Variants in RPH3AL observed in about 807,000 individuals in gnomAD.
The protein encoded by RPH3AL is rabphilin 3A like (without C2 domains).
RPH3AL carries 38 observed loss-of-function variants against 43.1 expected under a neutral mutation model. The observed-to-expected ratio is 0.88, with a 90% CI of 0.68 to 1.15. RPH3AL has a LOEUF of 1.15. Ranked by LOEUF, RPH3AL falls within the 50% of genes most tolerant of loss-of-function variation. RPH3AL has a pLI of 0.00. For missense variants in RPH3AL, 462 were observed against 423.2 expected, an observed-to-expected ratio of 1.09 and a Z score of -0.81; for synonymous variants, 189 against 176.3, an observed-to-expected ratio of 1.07 and a Z score of -0.57.
chr17:242,791 A>T (rs78568707), intron 7 of RPH3AL, among the ~76,000 whole-genome samples: 4,435 of 24,680 alleles, frequency 0.18, 724 homozygotes, highest in South Asian at 0.29. Context: ...CCTTCCTCTA[A>T]TGACTACCTT....
At chr17:271,688 T>G (rs1246083473) in intron 6 of RPH3AL, among the ~76,000 whole-genome samples, 2 of 152,246 alleles carry the variant, frequency 1.3e-5, no homozygotes, top group Non-Finnish European at 2.9e-5. Flanking sequence ...CAGGGTTTTC[T>G]AGATATACAA....
chr17:229,842 G>A (rs1028010129), intron 7 of RPH3AL, among the ~76,000 whole-genome samples: 2 of 152,220 alleles, frequency 1.3e-5, no homozygotes, highest in African/African-American at 4.8e-5. Flanking sequence ...GGGAGAAAGG[G>A]GGCTCTGAGG....
At chr17:311,305 C>T (rs766074054) in intron 5 of RPH3AL, among the ~76,000 whole-genome samples, 34 of 152,356 alleles carry the variant, frequency 2.2e-4, no homozygotes, top group African/African-American at 4.8e-4. Context: ...CTTCAGCACA[C>T]GCCTCTGTGC....
chr17:309,631 C>T (rs1230337591), intron 5 of RPH3AL, among the ~76,000 whole-genome samples: 21 of 127,970 alleles, frequency 1.6e-4, no homozygotes, highest in African/African-American at 4.8e-4. Flanking sequence ...GCACATCCCC[C>T]GTCCAGGGCT....
intron 5 of RPH3AL, among the ~76,000 whole-genome samples, chr17:297,075 A>T (rs2043201598): frequency 6.6e-6 from 1 of 152,096 alleles, no homozygotes; most frequent in Non-Finnish European, 1.5e-5. Context: ...CTGGAACACA[A>T]CCCTCTCCAA....
intron 5 of RPH3AL, among the ~76,000 whole-genome samples, chr17:282,347 G>A (rs564864977): frequency 1.7e-4 from 26 of 152,362 alleles, no homozygotes; most frequent in African/African-American, 4.6e-4. Context: ...TGGTAACAAC[G>A]TGACAGTTAC....
chr17:332,504 T>C (rs911261756), intron 2 of RPH3AL: 2 of 168,758 alleles, frequency 1.2e-5, no homozygotes, highest in African/African-American at 4.8e-5. Context: ...CCCTTCCTGA[T>C]GCCCACACAG....
intron 7 of RPH3AL, among the ~76,000 whole-genome samples, chr17:239,001 G>A (rs2041466237): frequency 6.6e-6 from 1 of 152,194 alleles, no homozygotes; most frequent in Non-Finnish European, 1.5e-5. Context: ...TCAGGTGGAG[G>A]GGGAGAGACA....
chr17:304,630 G>A (rs955402187), intron 5 of RPH3AL, among the ~76,000 whole-genome samples: 14 of 152,034 alleles, frequency 9.2e-5, no homozygotes, highest in Admixed American at 5.2e-4. Context: ...GATTCCACCC[G>A]GCCAGGGCAG....
intron 6 of RPH3AL, among the ~76,000 whole-genome samples, chr17:263,229 G>T (rs1555546904): frequency 6.6e-6 from 1 of 152,148 alleles, no homozygotes; most frequent in East Asian, 1.9e-4. Flanking sequence ...GGGAGTCAAG[G>T]GTACCAAAGC....
At chr17:273,868 C>G (rs1229678732) in intron 6 of RPH3AL, among the ~76,000 whole-genome samples, 11 of 152,194 alleles carry the variant, frequency 7.2e-5, no homozygotes, top group Admixed American at 2.6e-4. Context: ...CGCTAATTGT[C>G]TTAACCAGCT....
At chr17:336,959 C>T (rs1156420926) in intron 1 of RPH3AL, among the ~76,000 whole-genome samples, 1 of 152,160 alleles carries the variant, frequency 6.6e-6, no homozygotes, top group Admixed American at 6.5e-5. Flanking sequence ...GGCTTGAGCC[C>T]ACCGCCCTCC....
chr17:314,688 C>T (rs1364906172), intron 5 of RPH3AL, among the ~76,000 whole-genome samples: 1 of 62,338 alleles, frequency 1.6e-5, no homozygotes, highest in African/African-American at 4.2e-5. Context: ...GTGACTCCAC[C>T]TCCATTGACC....
rs574100658 is a variant in RPH3AL, at chr17:263,823, G to A, written c.439-16538C>T. Among the ~76,000 whole-genome samples, 375 of 152,258 alleles carry A rather than the reference G, an allele frequency of 2.5e-3. 1 individual carries two copies. The highest frequency in any genetic ancestry group is 8.2e-3 in the African/African-American group (341 of 41,538). Reference sequence around the variant, plus strand: ...GAGTTGGTAACACACCGACACTCCCGTCCCTGAAGAAGGCCAAGTTCCTTC... The same window carrying A: ...GAGTTGGTAACACACCGACACTCCCATCCCTGAAGAAGGCCAAGTTCCTTC... On this transcript the variant is annotated intron_variant, in intron 6 of 9. Transcript: ENST00000331302.
intron 6 of RPH3AL, among the ~76,000 whole-genome samples, chr17:271,728 A>T (rs915682550): frequency 1.3e-5 from 2 of 152,164 alleles, no homozygotes; most frequent in Non-Finnish European, 2.9e-5. Context: ...GGACAATTTG[A>T]CTTCCTCTTT....
intron 6 of RPH3AL, among the ~76,000 whole-genome samples, chr17:252,375 A>G (rs1477614075): frequency 6.6e-6 from 1 of 152,206 alleles, no homozygotes; most frequent in African/African-American, 2.4e-5. Context: ...ATCACTGCAC[A>G]GAGACGCCCT....
intron 6 of RPH3AL, among the ~76,000 whole-genome samples, chr17:258,376 G>GGGGAA (rs1461712036): frequency 3.3e-5 from 5 of 152,222 alleles, no homozygotes; most frequent in Admixed American, 1.3e-4. Flanking sequence ...CCTACAGTCT[G>GGGGAA]CCACCTTCCC....
In RPH3AL at chr17:320,358, G is replaced by A. The variant is rs149640586; in HGVS notation, c.222-809C>T. Among the ~76,000 whole-genome samples, 51 of 152,196 alleles carry A rather than the reference G, an allele frequency of 3.4e-4. No individual in the cohort carries two copies. The East Asian group carries it at 7.7e-3, about 23-fold the overall frequency. ...TCTTTCCCACTGTAAAGATAAGGCC[G>A]GGCAGGGTGGCTCATGCCTGACATC... is the stretch of plus-strand genomic sequence containing the variant. On this transcript the variant is annotated intron_variant, in intron 4 of 9. Transcript: ENST00000331302.
chr17:213,528 T>G lies in RPH3AL; in HGVS notation c.*324A>C. ...ACCGGGCGGCCCCTCTGACACTGCA[T>G]GTGGGAAACCCCCCAGCCCAACCCA... On this transcript the variant is annotated 3_prime_UTR_variant, in exon 10 of 10. Coordinates refer to ENST00000331302, the MANE Select transcript of RPH3AL (RefSeq NM_006987.4). 2 of 450,474 alleles carry G rather than the reference T, an allele frequency of 4.4e-6. No individual in the cohort carries two copies. Among genetic ancestry groups the G allele is most frequent in the Non-Finnish European group, 4.1e-6 (1 of 245,338 alleles). 27.9% of individuals were successfully genotyped at this position (450,474 alleles called of 1,614,324 possible).
Sources: gnomAD v4.1 joint callset for allele counts (sites outside exome capture counted in the v4.1 genomes callset) on GRCh38, gnomAD v4.1.1 for gene constraint, MANE v1.5 for transcripts, NCBI Gene and HGNC (gene_info 2026-07-23, HGNC 2026-07-21) for gene names.